The following MAP3K5 variants were observed in gnomAD, a reference collection of about 807,000 sequenced individuals.
MAP3K5 encodes ASK-1.
Under a neutral mutation model 158.7 loss-of-function variants are expected in MAP3K5, and 56 were observed. That is an observed-to-expected ratio of 0.35 (90% CI 0.28 to 0.44). MAP3K5 has a LOEUF of 0.44. MAP3K5 is among the 20% of genes least tolerant of loss of function. The pLI is 1.00. For synonymous variants in MAP3K5, 579 were observed against 601.7 expected (o/e 0.96, Z 0.55); for missense variants, 1,294 against 1,674.8 (o/e 0.77, Z 3.97).
chr6:136,756,086 C>A (rs892509441), intron 1 of MAP3K5, among the ~76,000 whole-genome samples: 1 of 151,642 alleles, frequency 6.6e-6, no homozygotes, highest in Non-Finnish European at 1.5e-5. Context: ...ATGGGCAGAT[C>A]GCTTGAGCCC....
chr6:136,595,187 G>A (rs1775569172), intron 21 of MAP3K5, among the ~76,000 whole-genome samples: 1 of 152,128 alleles, frequency 6.6e-6, no homozygotes, highest in Non-Finnish European at 1.5e-5. Flanking sequence ...GCATGATCTT[G>A]GCTCACTACA....
chr6:136,697,615 TA>T (rs889849503), intron 4 of MAP3K5, among the ~76,000 whole-genome samples: 6 of 151,024 alleles, frequency 4.0e-5, no homozygotes, highest in Admixed American at 1.3e-4. Context: ...GAATTAAAGG[TA>T]AAGGTACTCC....
intron 1 of MAP3K5, among the ~76,000 whole-genome samples, chr6:136,749,764 G>A (rs1169192411): frequency 6.6e-6 from 1 of 152,054 alleles, no homozygotes; most frequent in South Asian, 2.1e-4. Flanking sequence ...CCACATGGAC[G>A]TCGACTGAAA....
intron 1 of MAP3K5, among the ~76,000 whole-genome samples, chr6:136,782,856 T>C (rs1784675365): frequency 6.6e-6 from 1 of 152,234 alleles, no homozygotes; most frequent in Non-Finnish European, 1.5e-5. Context: ...TCATATGAAA[T>C]GTAAGTTATC....
chr6:136,747,844 T>G (rs1783028596), intron 1 of MAP3K5, among the ~76,000 whole-genome samples: 1 of 152,166 alleles, frequency 6.6e-6, no homozygotes, highest in Non-Finnish European at 1.5e-5. Flanking sequence ...TCAAGTGATC[T>G]CCAAGCAGCG....
intron 6 of MAP3K5, among the ~76,000 whole-genome samples, chr6:136,695,254 C>T (rs1780553463): frequency 6.6e-6 from 1 of 152,172 alleles, no homozygotes. Flanking sequence ...TCTCCTGCCT[C>T]AGCCTCCCGA....
At chr6:136,564,430 ACT>A (rs1205591237) in intron 26 of MAP3K5, among the ~76,000 whole-genome samples, 1 of 152,232 alleles carries the variant, frequency 6.6e-6, no homozygotes, top group Non-Finnish European at 1.5e-5. Flanking sequence ...AGCAGCATGA[ACT>A]GAAAGCTAGA....
chr6:136,763,719 G>T (rs1017702323), intron 1 of MAP3K5, among the ~76,000 whole-genome samples: 1 of 152,136 alleles, frequency 6.6e-6, no homozygotes, highest in Non-Finnish European at 1.5e-5. Flanking sequence ...TTGAACAGTT[G>T]TCCCCTCCAA....
chr6:136,615,988 A>G (rs1776545981), intron 15 of MAP3K5, among the ~76,000 whole-genome samples: 1 of 152,204 alleles, frequency 6.6e-6, no homozygotes, highest in Non-Finnish European at 1.5e-5. Context: ...TTATCTGTGT[A>G]ATATTTCCAG....
At chr6:136,583,864 T>C (rs1231698092) in intron 23 of MAP3K5, 124 bp from the exon 24 acceptor site, 4 of 828,972 alleles carry the variant, frequency 4.8e-6, no homozygotes, top group Non-Finnish European at 5.6e-6. Context: ...GGTCTCACTA[T>C]ATTGCCCAGG....
At chr6:136,751,839 C>T (rs1783222821) in intron 1 of MAP3K5, among the ~76,000 whole-genome samples, 1 of 152,150 alleles carries the variant, frequency 6.6e-6, no homozygotes, top group Admixed American at 6.5e-5. Context: ...AAGAACGAAG[C>T]CAAGCCACTC....
intron 1 of MAP3K5, among the ~76,000 whole-genome samples, chr6:136,763,295 G>A (rs1783830794): frequency 1.3e-5 from 2 of 152,182 alleles, no homozygotes; most frequent in South Asian, 4.1e-4. Context: ...TCTTGGATGA[G>A]TAAACAGGAT....
Position 136,779,056 on chromosome 6 carries a change from T to C in MAP3K5, c.448+12654A>G, listed in dbSNP as rs113945237. Among the ~76,000 whole-genome samples the C allele has an allele frequency of 2.7e-3, 404 of 152,138 alleles. 2 individuals carry two copies. Among genetic ancestry groups the C allele is most frequent in the African/African-American group, 8.6e-3 (356 of 41,504 alleles). ...GGCTCACGCCTGTAATCCCAGCACTTTGAGAGGCCAAGGCGGGCAGATCAC... is the reference window on the plus strand; with the variant it reads ...GGCTCACGCCTGTAATCCCAGCACTCTGAGAGGCCAAGGCGGGCAGATCAC... On this transcript the variant is annotated intron_variant, in intron 1 of 29. Coordinates refer to ENST00000359015, the MANE Select transcript of MAP3K5 (RefSeq NM_005923.4).
intron 21 of MAP3K5, chr6:136,593,705 A>G (rs1320650369): frequency 2.4e-6 from 1 of 420,520 alleles, no homozygotes. Flanking sequence ...TATCCTATGG[A>G]CAGATATGCA....
intron 15 of MAP3K5, 43 bp from the exon 16 acceptor site, chr6:136,614,329 A>C (rs1776469356): frequency 1.9e-6 from 3 of 1,595,018 alleles, no homozygotes; most frequent in Non-Finnish European, 2.6e-6. Context: ...ATGTAGCCAG[A>C]CTTTACTGTA....
At chr6:136,738,968 C>A (rs1010689378) in intron 1 of MAP3K5, among the ~76,000 whole-genome samples, 27 of 148,776 alleles carry the variant, frequency 1.8e-4, no homozygotes, top group African/African-American at 5.3e-4. Flanking sequence ...ACACACACAC[C>A]CATGCACACT....
intron 1 of MAP3K5, among the ~76,000 whole-genome samples, chr6:136,788,120 C>T (rs1266897343): frequency 1.3e-5 from 2 of 152,090 alleles, no homozygotes; most frequent in Non-Finnish European, 2.9e-5. Context: ...GTGAAAGAGA[C>T]CTCAAGAAAT....
chr6:136,705,041 AAT>A lies in MAP3K5; in HGVS notation c.612+67_612+68del, dbSNP rs369172002. ...ATTAATAATTTGTGGAGATTTTAAA[AAT>A]ACCAAAGATTAGTTAATGGAAAAGA... is the stretch of plus-strand genomic sequence containing the variant. On this transcript the variant is annotated intron_variant, in intron 3 of 29. Coordinates refer to ENST00000359015, the MANE Select transcript of MAP3K5 (RefSeq NM_005923.4). 70 of 763,278 alleles carry A rather than the reference AAT, an allele frequency of 9.2e-5. No homozygotes were observed. The African/African-American group carries it at 1.1e-3, about 12-fold the overall frequency. 47.3% of individuals were successfully genotyped at this position (763,278 alleles called of 1,614,324 possible). A position where few individuals can be genotyped will look rare whatever the true frequency, so the allele number is the denominator to read the frequency against.
At chr6:136,630,041 A>G (rs1230403856) in intron 14 of MAP3K5, among the ~76,000 whole-genome samples, 1 of 151,998 alleles carries the variant, frequency 6.6e-6, no homozygotes, top group African/African-American at 2.4e-5. Flanking sequence ...ATGAGCCACC[A>G]CACCCGGCCT....
Sources: gnomAD v4.1 joint callset for allele counts (sites outside exome capture counted in the v4.1 genomes callset) on GRCh38, gnomAD v4.1.1 for gene constraint, MANE v1.5 for transcripts, NCBI Gene and HGNC (gene_info 2026-07-23, HGNC 2026-07-21) for gene names.